DNAH5: variants seen among roughly 807,000 people sequenced by gnomAD.
DNAH5 encodes axonemal beta dynein heavy chain 5.
DNAH5 carries 372 observed loss-of-function variants against 518.2 expected under a neutral mutation model. That is an observed-to-expected ratio of 0.72 (90% CI 0.66 to 0.78). DNAH5 has a LOEUF of 0.78. DNAH5 is among the 30% of genes least tolerant of loss of function. DNAH5 has a pLI of 0.00. For synonymous variants in DNAH5, 2,039 were observed against 2,025.9 expected (o/e 1.01, Z -0.17); for missense variants, 5,523 against 5,687.0 (o/e 0.97, Z 0.93).
At chr5:13,712,539 C>G (rs1185181686) in intron 75 of DNAH5, among the ~76,000 whole-genome samples, 1 of 152,174 alleles carries the variant, frequency 6.6e-6, no homozygotes, top group Non-Finnish European at 1.5e-5. Context: ...AAACAACCCA[C>G]AGAGTGGGAG....
chr5:13,889,989 A>C (rs1271291801), intron 17 of DNAH5, among the ~76,000 whole-genome samples: 1 of 152,196 alleles, frequency 6.6e-6, no homozygotes, highest in Non-Finnish European at 1.5e-5. Context: ...AATATTGTAA[A>C]TGATGCTAAC....
chr5:14,007,422 A>G (rs575877336), intron 1 of DNAH5, among the ~76,000 whole-genome samples: 1 of 152,306 alleles, frequency 6.6e-6, no homozygotes, highest in South Asian at 2.1e-4. Flanking sequence ...CTGAGGCCAC[A>G]TCCTCACAGC....
intron 31 of DNAH5, among the ~76,000 whole-genome samples, chr5:13,849,651 T>C (rs1245896738): frequency 6.6e-6 from 1 of 152,216 alleles, no homozygotes; most frequent in Non-Finnish European, 1.5e-5. Flanking sequence ...CTGAGCTTAT[T>C]AGCCCTTTTT....
chr5:13,757,695 T>A (rs956746495), intron 61 of DNAH5, among the ~76,000 whole-genome samples: 1 of 152,112 alleles, frequency 6.6e-6, no homozygotes, highest in Non-Finnish European at 1.5e-5. Flanking sequence ...TTAAAGAAAT[T>A]CACAATTTAA....
intron 67 of DNAH5, 117 bp downstream of exon 67, chr5:13,735,701 G>T: frequency 1.1e-6 from 1 of 894,670 alleles, no homozygotes; most frequent in Non-Finnish European, 1.9e-6. Context: ...ACACTGATCT[G>T]AGATTTAAAA....
At chr5:13,911,753 C>T (rs1776023215) in intron 11 of DNAH5, among the ~76,000 whole-genome samples, 1 of 152,066 alleles carries the variant, frequency 6.6e-6, no homozygotes. Context: ...ATAAAAACCA[C>T]ACCTGAAAAT....
At chr5:13,946,415 G>C (rs1170435309), upstream of DNAH5, among the ~76,000 whole-genome samples, 1 of 152,144 alleles carries the variant, frequency 6.6e-6, no homozygotes, top group Non-Finnish European at 1.5e-5. Flanking sequence ...GTATCTTCTT[G>C]AGCGCTCAGG....
At chr5:14,008,901 T>C (rs1434585894) in intron 1 of DNAH5, among the ~76,000 whole-genome samples, 5 of 152,166 alleles carry the variant, frequency 3.3e-5, no homozygotes, top group African/African-American at 1.2e-4. Flanking sequence ...TTCCACCAGT[T>C]CTATGCCCTT....
At chr5:13,952,389 A>T (rs1302343076) in intron 1 of DNAH5, among the ~76,000 whole-genome samples, 1 of 152,240 alleles carries the variant, frequency 6.6e-6, no homozygotes, top group Admixed American at 6.5e-5. Flanking sequence ...TGAAAAGCTT[A>T]AAAATAGGCT....
intron 1 of DNAH5, among the ~76,000 whole-genome samples, chr5:13,979,790 T>G (rs1156333654): frequency 3.3e-5 from 5 of 152,082 alleles, no homozygotes; most frequent in African/African-American, 1.2e-4. Context: ...TTTGTTTGGT[T>G]TTTTGTTTAG....
Position 13,780,850 on chromosome 5 carries a change from G to A in DNAH5, c.8930C>T (p.Ser2977Phe). 1 of 1,613,698 alleles carries A rather than the reference G, an allele frequency of 6.2e-7. No individual in the cohort carries two copies. Among genetic ancestry groups the A allele is most frequent in the Admixed American group, 1.7e-5 (1 of 59,998 alleles). The change falls in exon 53 of 79, where the codon TCC (serine) becomes TTC (phenylalanine). Residue 2977 changes from serine (S) to phenylalanine (F), a missense_variant. Ser to Phe is a radical substitution (Grantham distance 155, BLOSUM62 -2). Coordinates refer to ENST00000265104, the MANE Select transcript of DNAH5 (RefSeq NM_001369.3). The part of the protein sequence containing the change: ...RLASFIAGYV[S>F]FQITLTRSYN... The stretch of plus-strand genomic sequence containing the variant: ...TCACCTCGTCAGAGTGATCTGGAAG[G>A]AAACGTAGCCAGCAATGAATGAAGC...
At chr5:13,919,419 C>A in intron 6 of DNAH5, 67 bp from the exon 7 acceptor site, 23 of 1,557,414 alleles carry the variant, frequency 1.5e-5, no homozygotes, top group Admixed American at 1.3e-4. Flanking sequence ...TATAAACAAG[C>A]AAAAAACAAA....
intron 1 of DNAH5, among the ~76,000 whole-genome samples, chr5:14,011,294 T>G (rs535432008): frequency 6.6e-6 from 1 of 152,234 alleles, no homozygotes; most frequent in African/African-American, 2.4e-5. Context: ...GGACAATGGG[T>G]GGATTGGGTC....
At chr5:13,889,080 T>C (rs148521809) in intron 17 of DNAH5, among the ~76,000 whole-genome samples, 2 of 152,336 alleles carry the variant, frequency 1.3e-5, no homozygotes, top group Non-Finnish European at 2.9e-5. Context: ...GGAGTAGAGA[T>C]CGCCACTTTA....
At chr5:13,770,482 G>C (rs561383247) in intron 56 of DNAH5, among the ~76,000 whole-genome samples, 1 of 152,222 alleles carries the variant, frequency 6.6e-6, no homozygotes, top group Admixed American at 6.5e-5. Context: ...CAGTCAATAG[G>C]CTCTAGAGGA....
Position 13,769,005 on chromosome 5 carries a change from C to T in DNAH5, c.9852G>A (p.Leu3284=), listed in dbSNP as rs1752911736. Residue 3284 remains leucine (L), a synonymous_variant, in exon 58 of 79, where the codon CTG becomes CTA. Transcript: ENST00000265104. ...CTTCTAAAGCTGGTTTTGCTGCTTC[C>T]AGTTTTTCTTCAGCAATGGCTTTGT... is the stretch of plus-strand genomic sequence containing the variant. ...SKDKAIAEEK[L]EAAKPALEEA... The T allele has an allele frequency of 2.5e-6, 4 of 1,614,088 alleles. No individual in the cohort carries two copies. Among genetic ancestry groups the T allele is most frequent in the African/African-American group, 2.7e-5 (2 of 74,938 alleles).
chr5:13,872,015 G>A (rs1770183562), intron 22 of DNAH5, among the ~76,000 whole-genome samples: 1 of 152,210 alleles, frequency 6.6e-6, no homozygotes, highest in Admixed American at 6.5e-5. Context: ...GAAACTAGAT[G>A]ACAGTTCTTG....
chr5:13,733,400 C>T (rs546365810), intron 68 of DNAH5, among the ~76,000 whole-genome samples: 3 of 152,214 alleles, frequency 2.0e-5, no homozygotes, highest in East Asian at 3.9e-4. Context: ...GAGTTGAGAA[C>T]GACAGGAACA....
At position 13,822,293 on chromosome 5, in the gene DNAH5, C is replaced by T. The variant is rs549601243; in HGVS notation, c.6687+970G>A. The stretch of plus-strand genomic sequence containing the variant: ...TGAGACAGAGTGTCCCTCTGTCACT[C>T]AGGCTGGAGTGCAGTGGTGTAATCA... On this transcript the variant is annotated intron_variant, in intron 40 of 78. Transcript: ENST00000265104. Among the ~76,000 whole-genome samples the T allele has an allele frequency of 2.4e-4, 37 of 151,466 alleles. 1 individual carries two copies. Among genetic ancestry groups the T allele is most frequent in the African/African-American group, 8.0e-4 (33 of 41,234 alleles).
Sources: gnomAD v4.1 joint callset for allele counts (sites outside exome capture counted in the v4.1 genomes callset) on GRCh38, gnomAD v4.1.1 for gene constraint, MANE v1.5 for transcripts, NCBI Gene and HGNC (gene_info 2026-07-23, HGNC 2026-07-21) for gene names.